The following OSBPL1A variants were observed in gnomAD, a reference collection of about 807,000 sequenced individuals.
OSBPL1A encodes oxysterol-binding protein-related protein 1.
In OSBPL1A, 80 loss-of-function variants were observed where a neutral mutation model predicts 137.1. The observed-to-expected ratio is 0.58, with a 90% CI of 0.49 to 0.70. The LOEUF (loss-of-function observed/expected upper bound fraction) is 0.70. OSBPL1A is among the 30% of genes least tolerant of loss of function. The pLI, the probability that OSBPL1A is intolerant of heterozygous loss-of-function variation, is 0.00. For missense variants in OSBPL1A, 970 were observed against 1,129.4 expected (o/e 0.86, Z 2.02); for synonymous variants, 365 against 389.7 (o/e 0.94, Z 0.75).
At chr18:24,318,250 C>T (rs1446878811) in intron 9 of OSBPL1A, among the ~76,000 whole-genome samples, 1 of 151,962 alleles carries the variant, frequency 6.6e-6, no homozygotes, top group Non-Finnish European at 1.5e-5. Flanking sequence ...TCAAGACCAG[C>T]CTGGCCAAGG....
In OSBPL1A at chr18:24,376,008, C is replaced by T. The variant is rs1263305002; in HGVS notation, c.121+1405G>A. Among the ~76,000 whole-genome samples the T allele has an allele frequency of 2.6e-4, 39 of 152,038 alleles. 1 individual carries two copies. Among genetic ancestry groups the T allele is most frequent in the Admixed American group, 2.5e-3 (38 of 15,260 alleles). ...CTTCAGGAGTGAAGCTGCAGACCTT[C>T]GCAGTGAGTGTTACAGCTCATAAAA... On this transcript the variant is annotated intron_variant, in intron 2 of 27. Coordinates refer to ENST00000319481, the MANE Select transcript of OSBPL1A (RefSeq NM_080597.4).
chr18:24,272,264 T>TC, intron 15 of OSBPL1A: 1 of 984,408 alleles, frequency 1.0e-6, no homozygotes, highest in Non-Finnish European at 1.2e-6. Context: ...TCTTTTTTTT[T>TC]TTTTTTAACC....
chr18:24,167,839 T>C (rs1199861664), intron 24 of OSBPL1A, among the ~76,000 whole-genome samples: 2 of 152,356 alleles, frequency 1.3e-5, no homozygotes, highest in African/African-American at 2.4e-5. Context: ...TCATCGTTTA[T>C]TGCACACCAC....
intron 17 of OSBPL1A, among the ~76,000 whole-genome samples, chr18:24,219,704 C>G (rs1007583198): frequency 6.6e-6 from 1 of 152,058 alleles, no homozygotes; most frequent in Admixed American, 6.5e-5. Flanking sequence ...AGTCTCAGCC[C>G]GTCTCCAAAA....
chr18:24,359,464 T>G (rs1305003873), intron 4 of OSBPL1A, among the ~76,000 whole-genome samples: 1 of 151,706 alleles, frequency 6.6e-6, no homozygotes, highest in East Asian at 2.0e-4. Context: ...TTTGGGAGGC[T>G]GGGGTAGGAA....
chr18:24,181,581 A>G (rs2086605097), intron 18 of OSBPL1A, among the ~76,000 whole-genome samples: 1 of 152,202 alleles, frequency 6.6e-6, no homozygotes, highest in African/African-American at 2.4e-5. Context: ...CTTACATCAG[A>G]ATTAGGAAAT....
intron 17 of OSBPL1A, among the ~76,000 whole-genome samples, chr18:24,200,650 C>T (rs1160512216): frequency 2.6e-5 from 4 of 151,682 alleles, no homozygotes. Context: ...TGGCTAGTGG[C>T]AACTGTACTG....
intron 18 of OSBPL1A, among the ~76,000 whole-genome samples, chr18:24,184,593 T>C (rs2086693590): frequency 6.6e-6 from 1 of 152,220 alleles, no homozygotes; most frequent in Non-Finnish European, 1.5e-5. Flanking sequence ...CAACCGAGAA[T>C]TTGATCAGAG....
Position 24,167,437 on chromosome 18 carries a change from G to C in OSBPL1A, c.2427C>G (p.Thr809=). Residue 809 remains threonine (T), a synonymous_variant, in exon 25 of 28, where the codon ACC becomes ACG. Coordinates refer to ENST00000319481, the MANE Select transcript of OSBPL1A (RefSeq NM_080597.4). Reference sequence around the variant, plus strand: ...CTGGCATTTCATCCAACTCCTCAGAGGTGCTCATCTAGAAAAACCAATCAA... The same window carrying C: ...CTGGCATTTCATCCAACTCCTCAGACGTGCTCATCTAGAAAAACCAATCAA... The part of the protein sequence containing the change: ...EEKKNSKQMS[T]SEELDEMPVP... The C allele has an allele frequency of 6.2e-7, 1 of 1,614,014 alleles. No individual in the cohort carries two copies. The highest frequency in any genetic ancestry group is 8.5e-7 in the Non-Finnish European group (1 of 1,179,882).
chr18:24,325,904 GCTTTT>G (rs2090967562), intron 7 of OSBPL1A, among the ~76,000 whole-genome samples: 2 of 152,148 alleles, frequency 1.3e-5, no homozygotes, highest in African/African-American at 4.8e-5. Context: ...AAATATCCTT[GCTTTT>G]ATTTTTTAAT....
At chr18:24,305,004 A>G (rs1439759836) in intron 13 of OSBPL1A, among the ~76,000 whole-genome samples, 2 of 152,200 alleles carry the variant, frequency 1.3e-5, no homozygotes, top group African/African-American at 2.4e-5. Flanking sequence ...GGGCAGGGAA[A>G]AAGTTTATCT....
At chr18:24,227,413 C>CA (rs954816597) in intron 16 of OSBPL1A, among the ~76,000 whole-genome samples, 17 of 151,476 alleles carry the variant, frequency 1.1e-4, no homozygotes, top group Admixed American at 2.6e-4. Flanking sequence ...AATGCTAAGA[C>CA]AAAAAAAACC....
At chr18:24,334,520 T>C (rs980734909) in intron 5 of OSBPL1A, among the ~76,000 whole-genome samples, 190 bp from the exon 6 acceptor site, 1 of 152,208 alleles carries the variant, frequency 6.6e-6, no homozygotes, top group African/African-American at 2.4e-5. Context: ...TTGGATGAAT[T>C]TGGGTTTTCA....
intron 14 of OSBPL1A, among the ~76,000 whole-genome samples, chr18:24,291,546 G>C (rs2090173859): frequency 6.6e-6 from 1 of 152,094 alleles, no homozygotes. Flanking sequence ...AAGAGTTCTG[G>C]CAGGAGAGAA....
chr18:24,260,431 A>C (rs1599579061), intron 15 of OSBPL1A, among the ~76,000 whole-genome samples: 6 of 152,258 alleles, frequency 3.9e-5, no homozygotes. Context: ...ATGGATATAC[A>C]GATACAATGT....
chr18:24,342,120 T>C lies in OSBPL1A; in HGVS notation c.283-462A>G, dbSNP rs1329931102. On this transcript the variant is annotated intron_variant, in intron 4 of 27. Coordinates refer to ENST00000319481, the MANE Select transcript of OSBPL1A (RefSeq NM_080597.4). ...ATTATTTTCTAAAGTGATATACCAT[T>C]ATTGACTGATGGGATACACCATTAT... Among the ~76,000 whole-genome samples the C allele has an allele frequency of 3.3e-5, 5 of 152,234 alleles. No individual in the cohort carries two copies. In the East Asian group the frequency reaches 9.6e-4, roughly 29 times the overall value.
intron 7 of OSBPL1A, among the ~76,000 whole-genome samples, chr18:24,328,134 T>C (rs896114939): frequency 1.4e-5 from 2 of 146,528 alleles, no homozygotes; most frequent in Non-Finnish European, 3.0e-5. Flanking sequence ...CTTCACCTCC[T>C]GGCTTCAAGC....
intron 14 of OSBPL1A, among the ~76,000 whole-genome samples, chr18:24,298,438 C>A (rs2090333824): frequency 6.6e-6 from 1 of 152,232 alleles, no homozygotes; most frequent in Non-Finnish European, 1.5e-5. Context: ...CCTCTACCCC[C>A]CGGGTTCAAG....
At chr18:24,261,054 A>G (rs1437646349) in intron 15 of OSBPL1A, among the ~76,000 whole-genome samples, 1 of 152,232 alleles carries the variant, frequency 6.6e-6, no homozygotes. Context: ...ACAAAATGGA[A>G]TATCATTTAG....
Sources: allele counts gnomAD v4.1 joint callset (sites outside exome capture counted in the v4.1 genomes callset), GRCh38; gene constraint gnomAD v4.1.1; transcripts MANE v1.5; gene names NCBI Gene and HGNC (gene_info 2026-07-23, HGNC 2026-07-21).